CNTN1: variants seen among roughly 807,000 people sequenced by gnomAD.
CNTN1 encodes the protein contactin 1.
A neutral mutation model predicts 126.4 loss-of-function variants in CNTN1; 38 were observed. That is an observed-to-expected ratio of 0.30 (90% CI 0.23 to 0.39). CNTN1 has a LOEUF of 0.39. Ranked by LOEUF, CNTN1 falls within the 10% of genes least tolerant of loss-of-function variation. The pLI is 1.00. For missense variants in CNTN1, 1,009 were observed against 1,248.4 expected (o/e 0.81, Z 2.89); for synonymous variants, 413 against 422.6 (o/e 0.98, Z 0.28).
chr12:41,008,016 G>A (rs148061269), intron 17 of CNTN1, among the ~76,000 whole-genome samples: 179 of 152,178 alleles, frequency 1.2e-3, no homozygotes, highest in African/African-American at 2.0e-3. Context: ...CTTCTATATC[G>A]TTCCCCCCTC....
intron 23 of CNTN1, among the ~76,000 whole-genome samples, chr12:41,030,907 A>C (rs893765496): frequency 6.6e-6 from 1 of 152,196 alleles, no homozygotes; most frequent in Non-Finnish European, 1.5e-5. Context: ...AACATCTTCA[A>C]TAGTTTTACA....
chr12:41,043,058 C>A (rs1949454592), intron 23 of CNTN1, among the ~76,000 whole-genome samples: 2 of 152,062 alleles, frequency 1.3e-5, no homozygotes, highest in South Asian at 4.1e-4. Context: ...TAGAAGAAAA[C>A]CTAGGCATTA....
intron 15 of CNTN1, among the ~76,000 whole-genome samples, chr12:40,967,429 G>A (rs1428122837): frequency 4.6e-5 from 7 of 152,044 alleles, no homozygotes; most frequent in Non-Finnish European, 8.8e-5. Flanking sequence ...GCAGTAAGCC[G>A]AGATCGTGCC....
intron 17 of CNTN1, among the ~76,000 whole-genome samples, chr12:41,004,108 A>G (rs1269307554): frequency 6.6e-6 from 1 of 152,100 alleles, no homozygotes. Flanking sequence ...TTAACACTGC[A>G]TTAGCTGTGT....
chr12:40,952,109 C>T (rs1225335623), intron 14 of CNTN1, among the ~76,000 whole-genome samples: 1 of 104,088 alleles, frequency 9.6e-6, no homozygotes, highest in African/African-American at 4.9e-5. Context: ...GAAGAAGCAC[C>T]ACATCTACTT....
At chr12:40,765,736 ATT>A (rs974958442) in intron 1 of CNTN1, among the ~76,000 whole-genome samples, 14 of 152,222 alleles carry the variant, frequency 9.2e-5, no homozygotes, top group African/African-American at 3.4e-4. Context: ...TAACACCCAT[ATT>A]TTTTGCCAAT....
At chr12:40,789,218 A>C (rs1434914412) in intron 1 of CNTN1, among the ~76,000 whole-genome samples, 1 of 152,174 alleles carries the variant, frequency 6.6e-6, no homozygotes, top group Non-Finnish European at 1.5e-5. Flanking sequence ...AAGCTTGGCA[A>C]GGAAAGGAGA....
intron 15 of CNTN1, among the ~76,000 whole-genome samples, chr12:40,976,067 G>A (rs1361605041): frequency 6.6e-6 from 1 of 152,092 alleles, no homozygotes; most frequent in African/African-American, 2.4e-5. Context: ...CAAAAAGCAT[G>A]CTTTAAATAA....
intron 1 of CNTN1, among the ~76,000 whole-genome samples, chr12:40,699,215 T>C (rs547730092): frequency 6.6e-6 from 1 of 152,242 alleles, no homozygotes; most frequent in Non-Finnish European, 1.5e-5. Context: ...GGACCTGACA[T>C]AGAGTTGATA....
intron 1 of CNTN1, among the ~76,000 whole-genome samples, chr12:40,767,498 T>C (rs893351934): frequency 4.6e-5 from 7 of 151,812 alleles, no homozygotes; most frequent in African/African-American, 1.4e-4. Context: ...TTAGTAGAGA[T>C]GGGGTTTCAC....
intron 15 of CNTN1, among the ~76,000 whole-genome samples, chr12:40,977,079 T>C (rs1159587598): frequency 6.6e-6 from 1 of 152,108 alleles, no homozygotes; most frequent in Non-Finnish European, 1.5e-5. Flanking sequence ...TTATGTATTT[T>C]AGGGGGACAT....
chr12:40,779,806 A>G (rs1939722841), intron 1 of CNTN1, among the ~76,000 whole-genome samples: 1 of 151,996 alleles, frequency 6.6e-6, no homozygotes, highest in Non-Finnish European at 1.5e-5. Context: ...ATCAAAGTGC[A>G]GGTATAATCA....
intron 12 of CNTN1, 70 bp from the exon 13 acceptor site, chr12:40,943,527 G>A (rs940830507): frequency 4.4e-5 from 52 of 1,185,150 alleles, no homozygotes; most frequent in Non-Finnish European, 5.7e-5. Context: ...ATTAGTGTTT[G>A]TAATCTAAGA....
chr12:40,849,194 C>A (rs1942628048), intron 1 of CNTN1, among the ~76,000 whole-genome samples: 1 of 152,062 alleles, frequency 6.6e-6, no homozygotes, highest in South Asian at 2.1e-4. Flanking sequence ...TCAAACTGCT[C>A]ATGAAGTACA....
intron 15 of CNTN1, among the ~76,000 whole-genome samples, chr12:40,969,265 G>T (rs1035989466): frequency 6.6e-6 from 1 of 152,002 alleles, no homozygotes; most frequent in African/African-American, 2.4e-5. Context: ...AAAAGTTTGG[G>T]CATATTAGAA....
rs192775860 is a variant in CNTN1 at position 40,788,824 on chromosome 12, C to T, written c.-77+96232C>T. Among the ~76,000 whole-genome samples the T allele has an allele frequency of 5.1e-4, 77 of 152,194 alleles. No individual in the cohort carries two copies. In the South Asian group the frequency reaches 9.1e-3, roughly 18 times the overall value. On this transcript the variant is annotated intron_variant, in intron 1 of 23. Coordinates refer to ENST00000551295, the MANE Select transcript of CNTN1 (RefSeq NM_001843.4). ...CTTCTCTTTCTTTTATGTTCTGCCTCATCACATATATCATACATCGTGCTA... is the reference window on the plus strand; with the variant it reads ...CTTCTCTTTCTTTTATGTTCTGCCTTATCACATATATCATACATCGTGCTA...
At chr12:40,783,449 C>T (rs1939883905) in intron 1 of CNTN1, among the ~76,000 whole-genome samples, 2 of 151,954 alleles carry the variant, frequency 1.3e-5, no homozygotes, top group Admixed American at 1.3e-4. Context: ...GTTTGCTTGA[C>T]CTTAAAATGT....
intron 16 of CNTN1, among the ~76,000 whole-genome samples, chr12:40,986,266 A>G (rs1947951908): frequency 2.0e-5 from 3 of 152,100 alleles, no homozygotes; most frequent in Admixed American, 1.3e-4. Context: ...TTGTTTGCTC[A>G]TGTGTCTGAT....
intron 1 of CNTN1, among the ~76,000 whole-genome samples, chr12:40,889,894 A>G (rs146049273): frequency 3.3e-5 from 5 of 152,274 alleles, no homozygotes; most frequent in Admixed American, 2.6e-4. Flanking sequence ...AGTCAATAAT[A>G]GTTACCTACA....
Sources: allele counts gnomAD v4.1 joint callset (sites outside exome capture counted in the v4.1 genomes callset), GRCh38; gene constraint gnomAD v4.1.1; transcripts MANE v1.5; gene names NCBI Gene and HGNC (gene_info 2026-07-23, HGNC 2026-07-21).